SORCS1: variants seen among roughly 807,000 people sequenced by gnomAD.
SORCS1 encodes the protein VPS10 domain-containing receptor SorCS1.
In SORCS1, 60 loss-of-function variants were observed where a neutral mutation model predicts 146.1. The ratio of observed to expected loss-of-function variants is 0.41; its 90% CI spans 0.33 to 0.51. The LOEUF (loss-of-function observed/expected upper bound fraction) is 0.51, where lower values mean the gene tolerates loss of function less well. SORCS1 is among the 20% of genes least tolerant of loss of function. SORCS1 has a pLI of 0.21. For synonymous variants in SORCS1, 637 were observed against 584.0 expected (o/e 1.09, Z -1.31); for missense variants, 1,352 against 1,487.6 (o/e 0.91, Z 1.50).
At chr10:106,850,361 G>A (rs1009847998) in intron 2 of SORCS1, among the ~76,000 whole-genome samples, 16 of 152,108 alleles carry the variant, frequency 1.1e-4, no homozygotes, top group South Asian at 4.2e-4. Flanking sequence ...AGGTGCGTCC[G>A]TCACCCCTTT....
intron 5 of SORCS1, among the ~76,000 whole-genome samples, chr10:106,732,948 G>A (rs925651883): frequency 6.6e-6 from 1 of 151,696 alleles, no homozygotes; most frequent in African/African-American, 2.4e-5. Context: ...GTGAAACCCC[G>A]TATCTACTAA....
intron 1 of SORCS1, among the ~76,000 whole-genome samples, chr10:107,047,957 T>G (rs1262127685): frequency 6.6e-6 from 1 of 151,696 alleles, no homozygotes; most frequent in East Asian, 1.9e-4. Flanking sequence ...GTGGCACATG[T>G]CTGTAGTCCC....
chr10:106,698,189 AT>A (rs2135732577), intron 9 of SORCS1, among the ~76,000 whole-genome samples: 1 of 152,362 alleles, frequency 6.6e-6, no homozygotes, highest in Non-Finnish European at 1.5e-5. Flanking sequence ...GAGAAGGAAG[AT>A]AGAACACATC....
At chr10:106,969,756 C>A (rs896323862) in intron 1 of SORCS1, among the ~76,000 whole-genome samples, 1 of 152,118 alleles carries the variant, frequency 6.6e-6, no homozygotes, top group African/African-American at 2.4e-5. Flanking sequence ...CCGATTCCAC[C>A]CTGGCTTCCT....
At chr10:106,931,806 G>T (rs1223700976) in intron 2 of SORCS1, among the ~76,000 whole-genome samples, 2 of 152,106 alleles carry the variant, frequency 1.3e-5, no homozygotes, top group Non-Finnish European at 2.9e-5. Context: ...TTTCCTGCCT[G>T]CCATGCTGTG....
intron 2 of SORCS1, among the ~76,000 whole-genome samples, chr10:106,934,402 C>T (rs1265511141): frequency 5.3e-5 from 8 of 149,866 alleles, no homozygotes; most frequent in East Asian, 2.1e-4. Context: ...GGACTACAGG[C>T]GCCACCACCA....
intron 2 of SORCS1, among the ~76,000 whole-genome samples, chr10:106,921,435 G>C (rs554914837): frequency 5.9e-5 from 9 of 152,154 alleles, no homozygotes; most frequent in Non-Finnish European, 1.3e-4. Flanking sequence ...ATTTCATCTA[G>C]ATATATCAGA....
At chr10:106,671,106 A>G in intron 16 of SORCS1, 131 bp downstream of exon 16, 6 of 1,230,122 alleles carry the variant, frequency 4.9e-6, no homozygotes, top group Non-Finnish European at 6.8e-6. Flanking sequence ...ACTATGAGGT[A>G]ATTTTATAAG....
At chr10:106,610,258 T>C (rs1311094356) in intron 22 of SORCS1, among the ~76,000 whole-genome samples, 1 of 151,910 alleles carries the variant, frequency 6.6e-6, no homozygotes, top group East Asian at 1.9e-4. Context: ...AGTGGAGTGG[T>C]TAGGAAACCA....
At chr10:106,844,134 T>C (rs1190697097) in intron 2 of SORCS1, among the ~76,000 whole-genome samples, 2 of 152,236 alleles carry the variant, frequency 1.3e-5, no homozygotes, top group Non-Finnish European at 1.5e-5. Context: ...TTCCCTGATA[T>C]TAGTGATGTT....
chr10:106,783,945 C>G (rs1483215332), intron 3 of SORCS1, among the ~76,000 whole-genome samples: 1 of 152,048 alleles, frequency 6.6e-6, no homozygotes, highest in Admixed American at 6.6e-5. Flanking sequence ...TACAGTGTAA[C>G]TATTTTCCTA....
rs139867283 is a variant in SORCS1, at chr10:106,611,349, A to C, written c.3033+562T>G. ...TCTAAACTTCAGTTGCCTCATCTAC[A>C]AAGTGTGGATAATAATTCCTTTTTG... On this transcript the variant is annotated intron_variant, in intron 22 of 25. Transcript: ENST00000263054. Among the ~76,000 whole-genome samples the C allele has an allele frequency of 3.9e-4, 59 of 152,320 alleles. 1 individual carries two copies. The East Asian group carries it at 0.01, about 26-fold the overall frequency.
At chr10:106,985,070 C>T (rs551820508) in intron 1 of SORCS1, among the ~76,000 whole-genome samples, 1 of 152,170 alleles carries the variant, frequency 6.6e-6, no homozygotes, top group East Asian at 1.9e-4. Flanking sequence ...ACCTGTAATC[C>T]CAGCTACTCA....
At chr10:106,989,701 T>TC in intron 1 of SORCS1, among the ~76,000 whole-genome samples, 1 of 137,458 alleles carries the variant, frequency 7.3e-6, no homozygotes, top group African/African-American at 2.9e-5. Flanking sequence ...TTTTTTTTTT[T>TC]TCTGAGATGG....
intron 1 of SORCS1, among the ~76,000 whole-genome samples, chr10:106,992,322 G>A (rs1187191624): frequency 6.6e-6 from 1 of 152,074 alleles, no homozygotes; most frequent in African/African-American, 2.4e-5. Context: ...ATAAGCTCAA[G>A]CCAGGAAAAG....
At chr10:106,653,945 AGCCCT>A (rs1452873763) in intron 17 of SORCS1, among the ~76,000 whole-genome samples, 1 of 152,226 alleles carries the variant, frequency 6.6e-6, no homozygotes, top group East Asian at 1.9e-4. Flanking sequence ...CTGGGCATGA[AGCCCT>A]GCACTAGCTA....
At chr10:106,893,668 G>T (rs759659259) in intron 2 of SORCS1, among the ~76,000 whole-genome samples, 23 of 152,276 alleles carry the variant, frequency 1.5e-4, no homozygotes, top group Admixed American at 3.3e-4. Flanking sequence ...TCATTTCAGT[G>T]CATGAGGAAA....
At chr10:107,176,958 A>G in the SORCS1 span, among the ~76,000 whole-genome samples, 1 of 152,178 alleles carries the variant, frequency 6.6e-6, no homozygotes, top group African/African-American at 2.4e-5. Flanking sequence ...GTGTATCAAA[A>G]TTGTCAATCA....
At chr10:106,921,684 T>TA (rs1443471674) in intron 2 of SORCS1, among the ~76,000 whole-genome samples, 1 of 152,144 alleles carries the variant, frequency 6.6e-6, no homozygotes, top group Non-Finnish European at 1.5e-5. Context: ...TCCACTGCAT[T>TA]GCTACCCCTA....
Sources: gnomAD v4.1 joint callset for allele counts (sites outside exome capture counted in the v4.1 genomes callset) on GRCh38, gnomAD v4.1.1 for gene constraint, MANE v1.5 for transcripts, NCBI Gene and HGNC (gene_info 2026-07-23, HGNC 2026-07-21) for gene names.